The following TUBGCP4 variants were observed in gnomAD, a reference collection of about 807,000 sequenced individuals.
The protein encoded by TUBGCP4 is gamma-tubulin complex component 4.
TUBGCP4 carries 54 observed loss-of-function variants against 91.6 expected under a neutral mutation model. The observed-to-expected ratio is 0.59, with a 90% confidence interval of 0.47 to 0.74. TUBGCP4 has a LOEUF of 0.74. TUBGCP4 is among the 30% of genes least tolerant of loss of function. The pLI is 0.00. For missense variants in TUBGCP4, 593 were observed against 800.9 expected (o/e 0.74, Z 3.13); for synonymous variants, 297 against 302.8 (o/e 0.98, Z 0.20).
Position 43,407,247 on chromosome 15 carries a change from A to C in TUBGCP4, c.*2033A>C. 1 of 720,226 alleles carries C rather than the reference A, an allele frequency of 1.4e-6. No homozygotes were observed. The highest frequency in any genetic ancestry group is 2.0e-5 in the South Asian group (1 of 49,398). The allele number at this position is 720,226 out of a possible 1,614,324, so 44.6% of individuals were successfully genotyped here. ...ACCAAAGAGATTCAACATTTATTTT[A>C]TCATAAAAGTTCAGCAAATAAAACT... On this transcript the variant is annotated 3_prime_UTR_variant, in exon 18 of 18. Coordinates refer to ENST00000564079, the MANE Select transcript of TUBGCP4 (RefSeq NM_014444.5).
At chr15:43,398,006 A>C in intron 12 of TUBGCP4, 35 bp from the exon 13 acceptor site, 1 of 1,587,786 alleles carries the variant, frequency 6.3e-7, no homozygotes, top group East Asian at 2.2e-5. Flanking sequence ...CCAAGTTGTT[A>C]TCTTTTCTTT....
At position 43,381,222 on chromosome 15, in the gene TUBGCP4, A is replaced by G. The variant is rs546910999; in HGVS notation, c.521+1059A>G. 3.3e-5 allele frequency among the ~76,000 whole-genome samples: 5 copies of G among 152,334 alleles called. No individual in the cohort carries two copies. The East Asian group carries it at 9.6e-4, about 29-fold the overall frequency. On this transcript the variant is annotated intron_variant, in intron 6 of 17. Transcript: ENST00000564079. ...GTATAGAATATAAAATCTAATGTAG[A>G]TGATACTATATATACATGTTTGTTC...
chr15:43,399,155 G>A, intron 13 of TUBGCP4: 2 of 1,257,712 alleles, frequency 1.6e-6, no homozygotes, highest in South Asian at 2.6e-5. Flanking sequence ...ACTGTCTTCT[G>A]CAAGCCTACC....
intron 9 of TUBGCP4, 25 bp downstream of exon 9, chr15:43,386,355 A>G (rs754060678): frequency 5.4e-5 from 3 of 55,978 alleles, no homozygotes; most frequent in South Asian, 7.6e-4. Flanking sequence ...GTATATATAT[A>G]TATATATATA....
chr15:43,376,934 G>C (rs1316208649), intron 3 of TUBGCP4, 80 bp from the exon 4 acceptor site: 6 of 1,224,942 alleles, frequency 4.9e-6, no homozygotes, highest in Non-Finnish European at 7.2e-6. Flanking sequence ...CCCATCATGA[G>C]ATTCTCTTCT....
In TUBGCP4 at chr15:43,376,643, T is replaced by A. The variant is rs528893104; in HGVS notation, c.330+18T>A. 18 of 1,614,090 alleles carry A rather than the reference T, an allele frequency of 1.1e-5. No individual in the cohort carries two copies. In the East Asian group the frequency reaches 4.0e-4, roughly 36 times the overall value. ...AACAAGAGGTAAGAAGGAGGAGATA[T>A]AGGAAACACCTCTGGGACAGTAGAT... On this transcript the variant is annotated intron_variant, in intron 3 of 17. Transcript: ENST00000564079.
Position 43,406,073 on chromosome 15 carries a change from T to G in TUBGCP4, c.*859T>G, listed in dbSNP as rs1318289141. 2.7e-5 allele frequency: 4 copies of G among 150,306 alleles called. No homozygotes were observed. The highest frequency in any genetic ancestry group is 2.7e-4 in the Admixed American group (4 of 15,060). The allele number at this position is 150,306 out of a possible 1,614,324, so 9.3% of individuals were successfully genotyped here. ...AAAAAAAAAAAAAAAAAAGTATTAT[T>G]CTCCAAGAAAAAGGTCCTTAAGAAA... On this transcript the variant is annotated 3_prime_UTR_variant, in exon 18 of 18. Transcript: ENST00000564079.
At position 43,409,745 on chromosome 15, in the gene TUBGCP4, T is replaced by C. The variant is rs765024907; in HGVS notation, c.*4531T>C. On this transcript the variant is annotated 3_prime_UTR_variant, in exon 18 of 18. Coordinates refer to ENST00000564079, the MANE Select transcript of TUBGCP4 (RefSeq NM_014444.5). Reference sequence around the variant, plus strand: ...AAAGGAGGAATTTCCAAAAATTCTATATTAAAAAAAAAAACCAAGATAATA... The same window carrying C: ...AAAGGAGGAATTTCCAAAAATTCTACATTAAAAAAAAAAACCAAGATAATA... 5.5e-6 allele frequency: 8 copies of C among 1,458,130 alleles called. No individual in the cohort carries two copies. The highest frequency in any genetic ancestry group is 2.2e-5 in the Admixed American group (1 of 44,902). The allele number at this position is 1,458,130 out of a possible 1,614,324, so 90.3% of individuals were successfully genotyped here.
In TUBGCP4 at chr15:43,407,355, G is replaced by A; in HGVS notation, c.*2141G>A. 6.2e-7 allele frequency: 1 copy of A among 1,603,310 alleles called. No individual in the cohort carries two copies. Among genetic ancestry groups the A allele is most frequent in the South Asian group, 1.1e-5 (1 of 90,556 alleles). On this transcript the variant is annotated 3_prime_UTR_variant, in exon 18 of 18. Coordinates refer to ENST00000564079, the MANE Select transcript of TUBGCP4 (RefSeq NM_014444.5). Reference sequence around the variant, plus strand: ...TAAAACACAATCTCCACGATAGCAGGGAATAAAACCAGTAAGACCAAGTAT... The same window carrying A: ...TAAAACACAATCTCCACGATAGCAGAGAATAAAACCAGTAAGACCAAGTAT...
rs765596228 is a variant in TUBGCP4 at position 43,405,262 on chromosome 15, T to C, written c.*48T>C. 4 of 1,605,450 alleles carry C rather than the reference T, an allele frequency of 2.5e-6. No individual in the cohort carries two copies. The highest frequency in any genetic ancestry group is 3.3e-5 in the Admixed American group (2 of 59,964). On this transcript the variant is annotated 3_prime_UTR_variant, in exon 18 of 18. Coordinates refer to ENST00000564079, the MANE Select transcript of TUBGCP4 (RefSeq NM_014444.5). ...AATAACAGCCACGTTCCCAAGGTTG[T>C]AACAGAAGATTCAAAACATCCCATT...
intron 15 of TUBGCP4, chr15:43,403,277 G>A (rs2044733471): frequency 6.2e-6 from 1 of 160,032 alleles, no homozygotes; most frequent in Non-Finnish European, 1.4e-5. Flanking sequence ...AGAAACGAGG[G>A]TTCACTAAAG....
intron 9 of TUBGCP4, among the ~76,000 whole-genome samples, chr15:43,393,434 CTCTT>C (rs1041720026): frequency 1.8e-4 from 27 of 151,634 alleles, no homozygotes; most frequent in African/African-American, 6.5e-4. Context: ...TGGTTTCGAT[CTCTT>C]TTTTTTTTAA....
intron 9 of TUBGCP4, chr15:43,394,449 G>A (rs1384266918): frequency 1.3e-5 from 2 of 152,016 alleles, no homozygotes; most frequent in African/African-American, 4.8e-5. Flanking sequence ...TTTACCTTTT[G>A]TTTTTCTTTT....
At chr15:43,392,395 G>A (rs937022375) in intron 9 of TUBGCP4, among the ~76,000 whole-genome samples, 2 of 151,864 alleles carry the variant, frequency 1.3e-5, no homozygotes, top group African/African-American at 4.8e-5. Context: ...TAATTTTATT[G>A]CATTATAGTT....
chr15:43,409,375 CTAATAGG>C lies in TUBGCP4; in HGVS notation c.*4162_*4168del. ...CCTTTCAGGCTAAAAATCAGCAACC[CTAATAGG>C]GGTTTCTACTACTAAACATAAACAT... is the stretch of plus-strand genomic sequence containing the variant. On this transcript the variant is annotated 3_prime_UTR_variant, in exon 18 of 18. Coordinates refer to ENST00000564079, the MANE Select transcript of TUBGCP4 (RefSeq NM_014444.5). 1.8e-6 allele frequency: 1 copy of C among 566,350 alleles called. No individual in the cohort carries two copies. The highest frequency in any genetic ancestry group is 3.1e-6 in the Non-Finnish European group (1 of 318,734). The allele number at this position is 566,350 out of a possible 1,614,324, so 35.1% of individuals were successfully genotyped here.
chr15:43,406,842 G>C lies in TUBGCP4; in HGVS notation c.*1628G>C. ...TCCCTTCATGGCAGTTGGTCCTTTC[G>C]TTCTCCCTTTAGCTCTAAGAGTTGG... On this transcript the variant is annotated 3_prime_UTR_variant, in exon 18 of 18. Coordinates refer to ENST00000564079, the MANE Select transcript of TUBGCP4 (RefSeq NM_014444.5). 3.1e-6 allele frequency: 1 copy of C among 321,346 alleles called. No homozygotes were observed. Among genetic ancestry groups the C allele is most frequent in the Middle Eastern group, 1.1e-3 (1 of 916 alleles). The allele number at this position is 321,346 out of a possible 1,614,324, so 19.9% of individuals were successfully genotyped here.
At chr15:43,389,228 CTT>C (rs767264664) in intron 9 of TUBGCP4, among the ~76,000 whole-genome samples, 2 of 152,048 alleles carry the variant, frequency 1.3e-5, no homozygotes, top group Non-Finnish European at 2.9e-5. Flanking sequence ...TTAATTATGT[CTT>C]TAGTTTTTAC....
chr15:43,395,503 C>G (rs1046680948), intron 10 of TUBGCP4, 80 bp from the exon 11 acceptor site: 2 of 1,022,628 alleles, frequency 2.0e-6, no homozygotes, highest in African/African-American at 3.2e-5. Context: ...TTAGAAATTA[C>G]TGTATACATG....
At chr15:43,398,638 G>C (rs898764810) in intron 13 of TUBGCP4, among the ~76,000 whole-genome samples, 9 of 152,100 alleles carry the variant, frequency 5.9e-5, no homozygotes, top group African/African-American at 2.2e-4. Flanking sequence ...TAAGGTCTTA[G>C]GCACCATGTC....
Sources: gnomAD v4.1 joint callset for allele counts (sites outside exome capture counted in the v4.1 genomes callset) on GRCh38, gnomAD v4.1.1 for gene constraint, MANE v1.5 for transcripts, NCBI Gene and HGNC (gene_info 2026-07-23, HGNC 2026-07-21) for gene names.